Variants in HVCN1 observed in about 807,000 individuals in gnomAD.
The protein encoded by HVCN1 is hydrogen voltage gated channel 1, also known as voltage-gated hydrogen channel 1.
Under a neutral mutation model 29.2 loss-of-function variants are expected in HVCN1, and 14 were observed. The observed-to-expected ratio is 0.48, with a 90% CI of 0.32 to 0.75. The LOEUF (loss-of-function observed/expected upper bound fraction) is 0.75. Ranked by LOEUF, HVCN1 falls within the 30% of genes least tolerant of loss-of-function variation. The pLI is 0.04. For synonymous variants in HVCN1, 131 were observed against 133.2 expected, an observed-to-expected ratio of 0.98 and a Z score of 0.11; for missense variants, 263 against 341.8, an observed-to-expected ratio of 0.77 and a Z score of 1.82.
upstream of HVCN1, among the ~76,000 whole-genome samples, chr12:110,691,752 C>T (rs991209654): frequency 6.6e-6 from 1 of 152,204 alleles, no homozygotes; most frequent in African/African-American, 2.4e-5. Context: ...CAAACCCTGG[C>T]CTGGCTTGAT....
At chr12:110,667,720 A>G (rs551650685) in intron 3 of HVCN1, among the ~76,000 whole-genome samples, 149 of 152,280 alleles carry the variant, frequency 9.8e-4, no homozygotes, top group South Asian at 7.7e-3. Context: ...GCATGAGCCC[A>G]TGCCTGACCC....
At chr12:110,659,062 T>G (rs1043404706) in intron 4 of HVCN1, among the ~76,000 whole-genome samples, 4 of 152,170 alleles carry the variant, frequency 2.6e-5, no homozygotes, top group African/African-American at 9.7e-5. Context: ...AACAACTTAA[T>G]AGCATGTTTC....
intron 4 of HVCN1, among the ~76,000 whole-genome samples, chr12:110,660,414 A>G (rs1006947831): frequency 9.9e-5 from 15 of 152,164 alleles, no homozygotes; most frequent in Admixed American, 7.9e-4. Flanking sequence ...ACAGGCAGGT[A>G]TTTTGGGCAT....
chr12:110,657,254 G>A (rs1341011998), intron 4 of HVCN1, among the ~76,000 whole-genome samples: 1 of 152,172 alleles, frequency 6.6e-6, no homozygotes. Flanking sequence ...AGCACTTTGG[G>A]AGGCAGAGGC....
chr12:110,663,475 C>T (rs931763512), intron 3 of HVCN1, among the ~76,000 whole-genome samples: 3 of 150,560 alleles, frequency 2.0e-5, no homozygotes, highest in Non-Finnish European at 4.4e-5. Context: ...GGTAGCACAC[C>T]TGTAGTCCCA....
intron 2 of HVCN1, among the ~76,000 whole-genome samples, chr12:110,685,857 T>C (rs1338997363): frequency 6.6e-6 from 1 of 152,030 alleles, no homozygotes; most frequent in Admixed American, 6.6e-5. Context: ...GTCCAGCTAA[T>C]TTTTGTAGAA....
At chr12:110,679,768 G>A (rs923312812) in intron 3 of HVCN1, among the ~76,000 whole-genome samples, 25 of 152,038 alleles carry the variant, frequency 1.6e-4, no homozygotes, top group Admixed American at 1.3e-3. Flanking sequence ...CAGGAGAATG[G>A]CGTGAACCCG....
At chr12:110,702,874 G>A (rs984383517) in intron 1 of HVCN1, among the ~76,000 whole-genome samples, 8 of 152,046 alleles carry the variant, frequency 5.3e-5, no homozygotes, top group East Asian at 1.9e-4. Context: ...GCCTGGTCTC[G>A]AACTCCTGAC....
At chr12:110,697,649 C>CTTTTT (rs570801385) in intron 2 of HVCN1, among the ~76,000 whole-genome samples, 2 of 134,228 alleles carry the variant, frequency 1.5e-5, no homozygotes, top group Non-Finnish European at 3.2e-5. Flanking sequence ...CGCGAAGCAT[C>CTTTTT]TTTTTTTTTT....
chr12:110,704,688 G>C (rs1039549876), intron 1 of HVCN1, among the ~76,000 whole-genome samples: 1 of 152,036 alleles, frequency 6.6e-6, no homozygotes, highest in Non-Finnish European at 1.5e-5. Context: ...AACAAAAATA[G>C]AACACACCTC....
rs2067591446 is a variant in HVCN1, at chr12:110,648,736, A to AGGCTG, written c.*669_*673dup. 1 of 249,168 alleles carries AGGCTG rather than the reference A, an allele frequency of 4.0e-6. No individual in the cohort carries two copies. Among genetic ancestry groups the AGGCTG allele is most frequent in the African/African-American group, 2.4e-5 (1 of 42,112 alleles). 15.4% of individuals were successfully genotyped at this position (249,168 alleles called of 1,614,324 possible). ...GTAGCTAGCTTGCTCTCCGACTGGCAGGCTGGTATGGGTGCCACAGAGGAA... is the reference window on the plus strand; with the variant it reads ...GTAGCTAGCTTGCTCTCCGACTGGCAGGCTGGGCTGGTATGGGTGCCACAGAGGAA... On this transcript the variant is annotated 3_prime_UTR_variant, in exon 8 of 8. Transcript: ENST00000242607.
At chr12:110,684,222 G>A (rs1211118889) in intron 2 of HVCN1, among the ~76,000 whole-genome samples, 1 of 152,074 alleles carries the variant, frequency 6.6e-6, no homozygotes, top group Non-Finnish European at 1.5e-5. Context: ...AAAGCAAAAT[G>A]ATATATTATT....
chr12:110,668,480 G>A (rs2068448069), intron 3 of HVCN1, among the ~76,000 whole-genome samples: 1 of 152,156 alleles, frequency 6.6e-6, no homozygotes, highest in Non-Finnish European at 1.5e-5. Context: ...ACTCCAGCCT[G>A]GGTGACAGAG....
At chr12:110,703,968 A>G (rs2136518767) in intron 1 of HVCN1, among the ~76,000 whole-genome samples, 1 of 152,286 alleles carries the variant, frequency 6.6e-6, no homozygotes, top group Non-Finnish European at 1.5e-5. Context: ...TACAGGTGTG[A>G]GTCATCACGC....
chr12:110,690,967 C>T (rs1285449494), upstream of HVCN1, among the ~76,000 whole-genome samples: 1 of 151,796 alleles, frequency 6.6e-6, no homozygotes, highest in Non-Finnish European at 1.5e-5. Flanking sequence ...GCTGGTCAGG[C>T]TGGTCTCGAA....
intron 3 of HVCN1, among the ~76,000 whole-genome samples, chr12:110,679,157 C>A (rs910423885): frequency 6.6e-6 from 1 of 152,150 alleles, no homozygotes; most frequent in Admixed American, 6.5e-5. Context: ...AGCTTTAAGG[C>A]ACCCCAAAAC....
chr12:110,655,727 CAG>C (rs1303989603), intron 4 of HVCN1, among the ~76,000 whole-genome samples: 7 of 138,206 alleles, frequency 5.1e-5, no homozygotes, highest in Admixed American at 1.5e-4. Flanking sequence ...TTTTTTGAGA[CAG>C]AGTCTTGTTT....
chr12:110,691,790 C>T (rs2069410696), upstream of HVCN1, among the ~76,000 whole-genome samples: 2 of 152,216 alleles, frequency 1.3e-5, no homozygotes, highest in Admixed American at 1.3e-4. Flanking sequence ...CCATCCCTTC[C>T]CCTACAGAGG....
Position 110,658,820 on chromosome 12 carries a change from A to G in HVCN1, c.306+2344T>C, listed in dbSNP as rs2068071195. On this transcript the variant is annotated intron_variant, in intron 4 of 7. Coordinates refer to ENST00000242607, the MANE Select transcript of HVCN1 (RefSeq NM_032369.4). The surrounding 1 kb of genome is among the most constrained non-coding windows in gnomAD (Gnocchi z 5.0). Reference sequence around the variant, plus strand: ...TGTCACTGTACACAGCAGGTGCTCAATAAGTGACTGTTGGGTGGGTGAATA... The same window carrying G: ...TGTCACTGTACACAGCAGGTGCTCAGTAAGTGACTGTTGGGTGGGTGAATA... 1.3e-5 allele frequency among the ~76,000 whole-genome samples: 2 copies of G among 152,242 alleles called. No homozygotes were observed. The highest frequency in any genetic ancestry group is 2.4e-5 in the African/African-American group (1 of 41,460).
Sources: gnomAD v4.1 joint callset for allele counts (sites outside exome capture counted in the v4.1 genomes callset) on GRCh38, gnomAD v4.1.1 for gene constraint, Gnocchi (gnomAD v3.1) non-coding constraint, MANE v1.5 for transcripts, NCBI Gene and HGNC (gene_info 2026-07-23, HGNC 2026-07-21) for gene names.